Variants in PRKG1 observed in about 807,000 individuals in gnomAD.
The protein encoded by PRKG1 is protein kinase cGMP-dependent 1.
Under a neutral mutation model 88.1 loss-of-function variants are expected in PRKG1, and 35 were observed. That is an observed-to-expected ratio of 0.40 (90% CI 0.30 to 0.53). PRKG1 has a LOEUF of 0.53. Among genes scored for constraint, PRKG1 ranks in the 20% least tolerant of loss-of-function variants. The pLI is 0.59. For synonymous variants in PRKG1, 303 were observed against 292.5 expected (o/e 1.04, Z -0.37); for missense variants, 540 against 839.8 (o/e 0.64, Z 4.41).
chr10:51,119,739 T>C (rs2131912933), intron 1 of PRKG1, among the ~76,000 whole-genome samples: 1 of 152,226 alleles, frequency 6.6e-6, no homozygotes, highest in East Asian at 1.9e-4. Context: ...ATCATGTTGA[T>C]ATACTTTAAA....
intron 9 of PRKG1, among the ~76,000 whole-genome samples, chr10:52,248,116 G>C (rs1841072512): frequency 6.6e-6 from 1 of 152,224 alleles, no homozygotes; most frequent in African/African-American, 2.4e-5. Context: ...TGTGGCTTAA[G>C]AATGCCTTTG....
At chr10:52,282,889 T>C (rs1453591716) in intron 14 of PRKG1, among the ~76,000 whole-genome samples, 4 of 152,056 alleles carry the variant, frequency 2.6e-5, no homozygotes, top group Non-Finnish European at 5.9e-5. Flanking sequence ...TGTTATGACC[T>C]ACAGATTTCA....
intron 3 of PRKG1, among the ~76,000 whole-genome samples, chr10:51,704,790 T>A (rs991398224): frequency 2.6e-5 from 4 of 152,138 alleles, no homozygotes; most frequent in Non-Finnish European, 5.9e-5. Flanking sequence ...ATAAAAGGTT[T>A]TGAAGTTCAG....
intron 3 of PRKG1, among the ~76,000 whole-genome samples, chr10:51,707,310 C>T (rs1367057093): frequency 6.6e-6 from 1 of 151,524 alleles, no homozygotes; most frequent in African/African-American, 2.4e-5. Flanking sequence ...GCTTATTTAA[C>T]ACCACATCGT....
At chr10:51,249,586 T>C (rs1839377830) in intron 2 of PRKG1, among the ~76,000 whole-genome samples, 1 of 151,826 alleles carries the variant, frequency 6.6e-6, no homozygotes, top group Non-Finnish European at 1.5e-5. Context: ...GGTTTTGTAA[T>C]TTTATTTGCA....
chr10:52,159,680 A>G (rs1838227785), intron 8 of PRKG1, among the ~76,000 whole-genome samples: 1 of 151,882 alleles, frequency 6.6e-6, no homozygotes, highest in Non-Finnish European at 1.5e-5. Flanking sequence ...TGTCAAATTT[A>G]TCATCAGTTT....
intron 3 of PRKG1, among the ~76,000 whole-genome samples, chr10:51,469,580 T>C (rs1033907881): frequency 4.6e-5 from 7 of 151,940 alleles, no homozygotes; most frequent in Non-Finnish European, 8.8e-5. Context: ...TAACATCTAT[T>C]GTACTCTGAT....
intron 2 of PRKG1, among the ~76,000 whole-genome samples, chr10:51,430,251 C>CAAAAAATTAAAG (rs1554808257): frequency 6.6e-6 from 1 of 151,796 alleles, no homozygotes; most frequent in Non-Finnish European, 1.5e-5. Context: ...CTCGTCTCTA[C>CAAAAAATTAAAG]AAAAAATTAA....
intron 1 of PRKG1, among the ~76,000 whole-genome samples, chr10:51,019,755 T>G (rs1307659619): frequency 6.7e-6 from 1 of 148,876 alleles, no homozygotes; most frequent in Non-Finnish European, 1.5e-5. Context: ...TGAAAAGGAA[T>G]TAATATCCAG....
chr10:51,285,758 A>G (rs1044920771), intron 2 of PRKG1, among the ~76,000 whole-genome samples: 8 of 152,180 alleles, frequency 5.3e-5, no homozygotes, highest in African/African-American at 7.2e-5. Context: ...ATAGTGGGAG[A>G]TGAAAGGGCT....
intron 2 of PRKG1, among the ~76,000 whole-genome samples, chr10:51,212,064 T>G (rs1043276038): frequency 5.3e-5 from 8 of 152,128 alleles, no homozygotes; most frequent in South Asian, 4.1e-4. Flanking sequence ...GACTTCAAAC[T>G]ATACTACAAG....
At chr10:51,930,883 A>G (rs367671124) in intron 5 of PRKG1, among the ~76,000 whole-genome samples, 15 of 152,288 alleles carry the variant, frequency 9.8e-5, no homozygotes, top group African/African-American at 3.4e-4. Flanking sequence ...AATAAAATTT[A>G]ATGACCCTAT....
chr10:51,554,055 A>T, intron 3 of PRKG1, among the ~76,000 whole-genome samples: 1 of 131,802 alleles, frequency 7.6e-6, no homozygotes. Flanking sequence ...TGCGTATGTG[A>T]TACGTGTATA....
chr10:51,102,221 T>G (rs1844703917), intron 1 of PRKG1, among the ~76,000 whole-genome samples: 1 of 152,222 alleles, frequency 6.6e-6, no homozygotes, highest in Non-Finnish European at 1.5e-5. Context: ...TACCTTTGTT[T>G]TAATATAAAT....
Position 50,991,313 on chromosome 10 carries a change from C to CGCTGCCGGCTGCCGTCCCA in PRKG1, c.-64_-63insTGCCGGCTGCCGTCCCAGC. 7 of 802,922 alleles carry CGCTGCCGGCTGCCGTCCCA rather than the reference C, an allele frequency of 8.7e-6. No homozygotes were observed. The highest frequency in any genetic ancestry group is 1.2e-5 in the Non-Finnish European group (7 of 596,478). 49.7% of individuals were successfully genotyped at this position (802,922 alleles called of 1,614,324 possible). A position where few individuals can be genotyped will look rare whatever the true frequency, so the allele number is the denominator to read the frequency against. On this transcript the variant is annotated 5_prime_UTR_variant, in exon 1 of 18. Transcript: ENST00000401604. The surrounding 1 kb of genome is among the most constrained non-coding windows in gnomAD (Gnocchi z 4.5). Reference sequence around the variant, plus strand: ...CTCCGCTGCCGGCTGCCGTCCCAGCCGCCGCCGCCGCCGCCGCCGCCGCCG... The same window carrying CGCTGCCGGCTGCCGTCCCA: ...CTCCGCTGCCGGCTGCCGTCCCAGCCGCTGCCGGCTGCCGTCCCAGCCGCCGCCGCCGCCGCCGCCGCCG...
At chr10:51,391,419 T>G (rs10822900) in intron 2 of PRKG1, among the ~76,000 whole-genome samples, 37,304 of 152,106 alleles carry the variant, frequency 0.25, 5,023 homozygotes, top group Admixed American at 0.34. Flanking sequence ...TCTTTAGGTT[T>G]CTCTCTATGT....
chr10:52,022,088 C>T (rs1293847255), intron 5 of PRKG1, among the ~76,000 whole-genome samples: 9 of 152,290 alleles, frequency 5.9e-5, no homozygotes, highest in African/African-American at 2.2e-4. Context: ...TCTCTCAAGA[C>T]TCTGAGTAGC....
At chr10:51,148,396 G>C (rs1476659556) in intron 1 of PRKG1, 1 of 372,820 alleles carries the variant, frequency 2.7e-6, no homozygotes, top group Non-Finnish European at 3.7e-6. Flanking sequence ...TACATTTTCA[G>C]ATTGCTTTCG....
intron 10 of PRKG1, among the ~76,000 whole-genome samples, chr10:52,259,389 C>A (rs938046055): frequency 1.3e-5 from 2 of 151,928 alleles, no homozygotes; most frequent in Non-Finnish European, 2.9e-5. Context: ...GAAAAATAGT[C>A]CCTTTGTATG....
Sources: gnomAD v4.1 joint callset for allele counts (sites outside exome capture counted in the v4.1 genomes callset) on GRCh38, gnomAD v4.1.1 for gene constraint, Gnocchi (gnomAD v3.1) non-coding constraint, MANE v1.5 for transcripts, NCBI Gene and HGNC (gene_info 2026-07-23, HGNC 2026-07-21) for gene names.